Variants in FAM200B observed in about 807,000 individuals in gnomAD.
The protein encoded by FAM200B is protein FAM200B.
In FAM200B, 32 loss-of-function variants were observed where a neutral mutation model predicts 33.1. The observed-to-expected ratio is 0.97, with a 90% CI of 0.73 to 1.30. FAM200B has a LOEUF of 1.30. Among genes scored for constraint, FAM200B ranks in the 50% most tolerant of loss-of-function variants. The pLI is 0.00. For missense variants in FAM200B, 741 were observed against 754.0 expected, an observed-to-expected ratio of 0.98 and a Z score of 0.20; for synonymous variants, 240 against 264.8, an observed-to-expected ratio of 0.91 and a Z score of 0.91.
chr4:15,640,897 A>T, the FAM200B span: 8 of 1,332,050 alleles, frequency 6.0e-6, no homozygotes, highest in African/African-American at 1.2e-4. Flanking sequence ...GAAACCAAAA[A>T]AAAAATACAT....
chr4:15,638,498 T>C, the FAM200B span: 12 of 1,560,134 alleles, frequency 7.7e-6, no homozygotes, highest in Non-Finnish European at 1.0e-5. Context: ...TTTATATATA[T>C]GAATCTCACC....
At chr4:15,647,603 A>C in the FAM200B span, among the ~76,000 whole-genome samples, 1 of 152,222 alleles carries the variant, frequency 6.6e-6, no homozygotes, top group South Asian at 2.1e-4. Flanking sequence ...AGATCTAATA[A>C]CACATTAAGG....
Position 15,686,407 on chromosome 4 carries a change from G to C in FAM200B, c.-571G>C, listed in dbSNP as rs1347035533. 6.6e-6 allele frequency: 1 copy of C among 152,082 alleles called. No homozygotes were observed. The highest frequency in any genetic ancestry group is 1.5e-5 in the Non-Finnish European group (1 of 68,016). The allele number at this position is 152,082 out of a possible 1,614,324, so 9.4% of individuals were successfully genotyped here. A position where few individuals can be genotyped will look rare whatever the true frequency, so the allele number is the denominator to read the frequency against. On this transcript the variant is annotated 5_prime_UTR_variant, in exon 2 of 2. Transcript: ENST00000422728. ...ACCACTTCAAGATGTTCTTATACAA[G>C]TCAACAGTCTAGCAGATCAGCCAGT...
the FAM200B span, among the ~76,000 whole-genome samples, chr4:15,655,802 C>G: frequency 6.6e-6 from 1 of 152,200 alleles, no homozygotes; most frequent in Non-Finnish European, 1.5e-5. Flanking sequence ...CGGAGCTGCC[C>G]TTCGCCTCCC....
chr4:15,656,151 A>AG, the FAM200B span: 2 of 455,746 alleles, frequency 4.4e-6, no homozygotes, highest in African/African-American at 2.0e-5. Context: ...GAATAATGGA[A>AG]GGTTGGTGCG....
the FAM200B span, chr4:15,638,676 T>C: frequency 6.3e-7 from 1 of 1,595,814 alleles, no homozygotes; most frequent in Non-Finnish European, 8.5e-7. Context: ...AAATATTCCA[T>C]TAACATGGGC....
At chr4:15,663,005 T>C in the FAM200B span, among the ~76,000 whole-genome samples, 4 of 152,204 alleles carry the variant, frequency 2.6e-5, no homozygotes. Context: ...TAAGAAATGG[T>C]TGTAAAATAT....
intron 1 of FAM200B, among the ~76,000 whole-genome samples, chr4:15,685,904 AAGATAG>A (rs1030924887): frequency 1.6e-4 from 25 of 152,318 alleles, no homozygotes; most frequent in Admixed American, 1.4e-3. Context: ...AGGCATGACC[AAGATAG>A]GTGCGGCCAA....
rs781743408 is a variant in FAM200B at position 15,687,943 on chromosome 4, G to C, written c.966G>C (p.Val322=). 34 of 1,551,112 alleles carry C rather than the reference G, an allele frequency of 2.2e-5. 1 individual carries two copies. In the South Asian group the frequency reaches 3.8e-4, roughly 17 times the overall value. Residue 322 remains valine (V), a synonymous_variant, in exon 2 of 2, where the codon GTG becomes GTC. Transcript: ENST00000422728. The part of the protein sequence containing the change: ...KLLEVTNNGA[V]WNHCFIHREG... ...TAGAAGTTACTAATAATGGTGCTGT[G>C]TGGAATCATTGTTTTATACATCGTG...
the FAM200B span, among the ~76,000 whole-genome samples, chr4:15,666,200 AC>A: frequency 2.0e-5 from 3 of 152,128 alleles, no homozygotes; most frequent in East Asian, 5.8e-4. Context: ...GGAGTTCAAA[AC>A]CAGCCTAGGC....
At chr4:15,674,310 A>G in the FAM200B span, among the ~76,000 whole-genome samples, 1 of 151,362 alleles carries the variant, frequency 6.6e-6, no homozygotes, top group Non-Finnish European at 1.5e-5. Context: ...TAGTACCGCT[A>G]TTGGTACTTT....
the FAM200B span, among the ~76,000 whole-genome samples, chr4:15,670,487 G>T: frequency 6.6e-6 from 1 of 152,194 alleles, no homozygotes; most frequent in East Asian, 1.9e-4. Flanking sequence ...ACCTATTTGG[G>T]TTTTTTACAT....
chr4:15,678,806 T>G (rs1455104212), upstream of FAM200B, among the ~76,000 whole-genome samples: 1 of 152,222 alleles, frequency 6.6e-6, no homozygotes, highest in Non-Finnish European at 1.5e-5. Context: ...TCTTCATTTT[T>G]CTCATTATCT....
At chr4:15,685,403 G>T (rs908090367) in intron 1 of FAM200B, among the ~76,000 whole-genome samples, 3 of 152,190 alleles carry the variant, frequency 2.0e-5, no homozygotes, top group Non-Finnish European at 4.4e-5. Context: ...AAGCAGGCTT[G>T]AACAGGTTTA....
the FAM200B span, among the ~76,000 whole-genome samples, chr4:15,646,790 G>A: frequency 2.0e-5 from 3 of 148,478 alleles, no homozygotes; most frequent in African/African-American, 7.5e-5. Flanking sequence ...GTGAGAACAT[G>A]CGGTGTTTGG....
chr4:15,638,412 C>T, the FAM200B span: 1 of 849,044 alleles, frequency 1.2e-6, no homozygotes. Context: ...GCAGGCCTAA[C>T]TTGAATTATT....
intron 1 of FAM200B, among the ~76,000 whole-genome samples, chr4:15,683,924 G>A (rs1002391218): frequency 2.0e-5 from 3 of 152,134 alleles, no homozygotes; most frequent in African/African-American, 4.8e-5. Context: ...ACTATTCTAG[G>A]AACAGGTAGA....
At chr4:15,655,328 G>T in the FAM200B span, 2 of 1,348,740 alleles carry the variant, frequency 1.5e-6, no homozygotes, top group Non-Finnish European at 2.0e-6. Flanking sequence ...CGCGGCCGCC[G>T]CCTCTCCATA....
the FAM200B span, among the ~76,000 whole-genome samples, chr4:15,647,014 G>C: frequency 6.6e-6 from 1 of 151,764 alleles, no homozygotes; most frequent in Non-Finnish European, 1.5e-5. Flanking sequence ...CCTGAGGTCA[G>C]GAGTTCGAGA....
Sources: allele counts gnomAD v4.1 joint callset (sites outside exome capture counted in the v4.1 genomes callset), GRCh38; gene constraint gnomAD v4.1.1; transcripts MANE v1.5; gene names NCBI Gene and HGNC (gene_info 2026-07-23, HGNC 2026-07-21).